HELT: variants seen among roughly 807,000 people sequenced by gnomAD.
The protein encoded by HELT is helt bHLH transcription factor, also known as hairy and enhancer of split-related protein HELT.
A neutral mutation model predicts 19.5 loss-of-function variants in HELT; 9 were observed. The ratio of observed to expected loss-of-function variants is 0.46; its 90% CI spans 0.28 to 0.80. HELT has a LOEUF of 0.80. HELT is among the 30% of genes least tolerant of loss of function. The probability of loss-of-function intolerance (pLI) is 0.12; values close to 1 mark genes in which losing one functional copy is unlikely to be tolerated. For missense variants in HELT, 366 were observed against 326.3 expected, an observed-to-expected ratio of 1.12 and a Z score of -0.94; for synonymous variants, 162 against 148.3, an observed-to-expected ratio of 1.09 and a Z score of -0.67.
chr4:185,019,321 C>T, intron 1 of HELT, 66 bp from the exon 2 acceptor site: 1 of 1,379,718 alleles, frequency 7.2e-7, no homozygotes, highest in Non-Finnish European at 1.0e-6. Context: ...CACCCAGCTG[C>T]TAGAGCCGCG....
In HELT at chr4:185,018,898, C is replaced by A. The variant is rs1324678151; in HGVS notation, c.-31C>A. ...AAAAGTGGACGGGTGCCCCGCGCCA[C>A]CGCCTCTCCCGAGGGCGCGTACTGA... On this transcript the variant is annotated 5_prime_UTR_variant, in exon 1 of 4. Transcript: ENST00000515777. The A allele has an allele frequency of 1.9e-5, 30 of 1,553,850 alleles. No homozygotes were observed. The Admixed American group carries it at 5.5e-4, about 28-fold the overall frequency.
At chr4:185,019,523 G>A (rs772701579) in intron 2 of HELT, 32 bp downstream of exon 2, 1 of 1,576,154 alleles carries the variant, frequency 6.3e-7, no homozygotes. Flanking sequence ...CGGGTGCCAG[G>A]CGTTGGGAGG....
chr4:185,019,707 G>C, intron 2 of HELT, 40 bp from the exon 3 acceptor site: 2 of 1,612,184 alleles, frequency 1.2e-6, no homozygotes, highest in Non-Finnish European at 1.7e-6. Flanking sequence ...CCGACCAGCA[G>C]GCGCTGGGCC....
In HELT at chr4:185,018,656, C is replaced by T. The variant is rs914226813; in HGVS notation, c.-273C>T. On this transcript the variant is annotated 5_prime_UTR_variant, in exon 1 of 4. Transcript: ENST00000515777. ...CGTGGATTAACAAAGCTGATCTGCC[C>T]CCAGCTCGCCCCCCTCGGCTGCTAA... Among the ~76,000 whole-genome samples the T allele has an allele frequency of 6.6e-6, 1 of 151,868 alleles. No individual in the cohort carries two copies. The highest frequency in any genetic ancestry group is 1.9e-4 in the East Asian group (1 of 5,190).
Position 185,018,830 on chromosome 4 carries a change from G to A in HELT, c.-99G>A. ...TATAAGGCAGCCCTCGGAGTTGGGA[G>A]GCTGCAGTCTACCTGGGACACTCGA... is the stretch of plus-strand genomic sequence containing the variant. On this transcript the variant is annotated 5_prime_UTR_variant, in exon 1 of 4. Transcript: ENST00000515777. 1 of 1,278,736 alleles carries A rather than the reference G, an allele frequency of 7.8e-7. No individual in the cohort carries two copies. The highest frequency in any genetic ancestry group is 2.3e-5 in the Admixed American group (1 of 43,916). 79.2% of individuals were successfully genotyped at this position (1,278,736 alleles called of 1,614,324 possible).
intron 1 of HELT, 45 bp from the exon 2 acceptor site, chr4:185,019,342 C>G: frequency 6.6e-7 from 1 of 1,516,578 alleles, no homozygotes; most frequent in South Asian, 1.2e-5. Context: ...CCTTTGACGA[C>G]TTCCCGGGCA....
In HELT at chr4:185,020,706, C is replaced by T. The variant is rs1561325252; in HGVS notation, c.663C>T (p.Asn221=). The part of the protein sequence containing the change: ...PVQGLDRHYL[N]LIGHAHPNAL... Reference sequence around the variant, plus strand: ...AGGGCCTGGACCGGCATTACCTCAACCTGATCGGCCACGCGCACCCCAACG... The same window carrying T: ...AGGGCCTGGACCGGCATTACCTCAATCTGATCGGCCACGCGCACCCCAACG... The change falls in exon 4 of 4, where the codon AAC becomes AAT. Residue 221 remains asparagine, a synonymous_variant. Coordinates refer to ENST00000515777, the MANE Select transcript of HELT (RefSeq NM_001300781.2). 3 of 1,599,196 alleles carry T rather than the reference C, an allele frequency of 1.9e-6. No individual in the cohort carries two copies. Among genetic ancestry groups the T allele is most frequent in the Admixed American group, 1.7e-5 (1 of 58,898 alleles).
rs769369992 is a variant in HELT, at chr4:185,020,660, G to C, written c.617G>C (p.Ser206Thr). 5 of 1,604,454 alleles carry C rather than the reference G, an allele frequency of 3.1e-6. No individual in the cohort carries two copies. The South Asian group carries it at 5.5e-5, about 18-fold the overall frequency. ...CTCGCTAGCCCAGCGCAGCAGCACAGCCCCTTCCTGACACCGGTGCAGGGC... is the reference window on the plus strand; with the variant it reads ...CTCGCTAGCCCAGCGCAGCAGCACACCCCCTTCCTGACACCGGTGCAGGGC... Reference protein sequence around the residue: ...VPLASPAQQHSPFLTPVQGLD... With the variant: ...VPLASPAQQHTPFLTPVQGLD... Residue 206 changes from serine (S) to threonine (T), a missense_variant, in exon 4 of 4, where the codon AGC (serine) becomes ACC (threonine). Physicochemically the swap from Ser to Thr is moderately conservative, Grantham distance 58. Coordinates refer to ENST00000515777, the MANE Select transcript of HELT (RefSeq NM_001300781.2).
rs1734046532 is a variant in HELT at position 185,020,569 on chromosome 4, T to C, written c.526T>C (p.Phe176Leu). The C allele has an allele frequency of 1.3e-6, 2 of 1,598,984 alleles. No individual in the cohort carries two copies. The highest frequency in any genetic ancestry group is 8.5e-7 in the Non-Finnish European group (1 of 1,176,738). The change falls in exon 4 of 4, where the codon TTC becomes CTC. Residue 176 changes from phenylalanine (F) to leucine (L), a missense_variant. By Grantham distance (22) the Phe-to-Leu change is conservative (BLOSUM62 0). Coordinates refer to ENST00000515777, the MANE Select transcript of HELT (RefSeq NM_001300781.2). Reference protein sequence around the residue: ...VFPQGSGAGPFPWPPGAARSP... With the variant: ...VFPQGSGAGPLPWPPGAARSP... ...CCCGCAGGGCTCTGGTGCCGGGCCT[T>C]TCCCCTGGCCGCCTGGCGCGGCCCG...
In HELT at chr4:185,019,383, G is replaced by A. The variant is rs1488974331; in HGVS notation, c.28-4G>A. The A allele has an allele frequency of 1.1e-5, 18 of 1,606,884 alleles. No homozygotes were observed. The highest frequency in any genetic ancestry group is 1.7e-5 in the Admixed American group (1 of 59,436). ...ATCCTAAACATACAACCCTCTCTTC[G>A]CAGAGAACCCCCGTTTCTCATAAAG... is the stretch of plus-strand genomic sequence containing the variant. On this transcript the variant is annotated splice_polypyrimidine_tract_variant and splice_region_variant and intron_variant, in intron 1 of 3. Transcript: ENST00000515777.
At chr4:185,020,145 G>A in intron 3 of HELT, 128 bp from the exon 4 acceptor site, 2 of 1,355,588 alleles carry the variant, frequency 1.5e-6, no homozygotes, top group Non-Finnish European at 2.0e-6. Context: ...GCGCAGAGGA[G>A]AGGGCGGGCC....
chr4:185,020,747 C>A lies in HELT; in HGVS notation c.704C>A (p.Thr235Lys), dbSNP rs146842487. 1.6e-4 allele frequency: 254 copies of A among 1,544,136 alleles called. No homozygotes were observed. Among genetic ancestry groups the A allele is most frequent in the Non-Finnish European group, 2.1e-4 (247 of 1,152,746 alleles). ...CACCCCAACGCCCTTAACCTGCACA[C>A]GCCCCAGCACCCCCCGGTGCTCTGA... ...HAHPNALNLHTPQHPPVL is the reference protein window; with the variant it reads ...HAHPNALNLHKPQHPPVL The change falls in exon 4 of 4, where the codon ACG becomes AAG. Residue 235 changes from threonine (T) to lysine (K), a missense_variant. Thr to Lys is a moderately conservative substitution (Grantham distance 78). Coordinates refer to ENST00000515777, the MANE Select transcript of HELT (RefSeq NM_001300781.2).
At position 185,020,936 on chromosome 4, in the gene HELT, T is replaced by G; in HGVS notation, c.*164T>G. On this transcript the variant is annotated 3_prime_UTR_variant, in exon 4 of 4. Transcript: ENST00000515777. ...GGATCTCCCCCTGGTAATAAACGTT[T>G]TCTGATAAAGACCCAAAGAGAGGGA... 1.2e-6 allele frequency: 1 copy of G among 837,538 alleles called. No individual in the cohort carries two copies. The highest frequency in any genetic ancestry group is 1.7e-6 in the Non-Finnish European group (1 of 593,512). 51.9% of individuals were successfully genotyped at this position (837,538 alleles called of 1,614,324 possible). A position where few individuals can be genotyped will look rare whatever the true frequency, so the allele number is the denominator to read the frequency against.
At chr4:185,019,996 T>C (rs1734018182) in intron 3 of HELT, among the ~76,000 whole-genome samples, 153 bp downstream of exon 3, 1 of 144,378 alleles carries the variant, frequency 6.9e-6, no homozygotes, top group Admixed American at 6.9e-5. Context: ...CGCCTCTCCC[T>C]GCTCGGCGAC....
At chr4:185,020,129 A>T in intron 3 of HELT, 144 bp from the exon 4 acceptor site, 1 of 1,227,134 alleles carries the variant, frequency 8.1e-7, no homozygotes, top group Non-Finnish European at 1.1e-6. Context: ...GCCAGTCTCT[A>T]AGACTGCGCA....
At chr4:185,020,148 G>C (rs2111142368) in intron 3 of HELT, 125 bp from the exon 4 acceptor site, 1 of 1,374,828 alleles carries the variant, frequency 7.3e-7, no homozygotes, top group Non-Finnish European at 1.0e-6. Context: ...CAGAGGAGAG[G>C]GCGGGCCTCA....
Position 185,018,759 on chromosome 4 carries a change from G to T in HELT, c.-170G>T. On this transcript the variant is annotated 5_prime_UTR_variant, in exon 1 of 4. An upstream open reading frame in the 5' UTR gains an earlier in-frame stop. Transcript: ENST00000515777. ...CAAACGCAGCTCCCCTAATCCTATG[G>T]AATAATTCAACTCGTGAATGCATCT... The T allele has an allele frequency of 1.8e-6, 1 of 550,532 alleles. No homozygotes were observed. The highest frequency in any genetic ancestry group is 3.1e-6 in the Non-Finnish European group (1 of 318,810). The allele number at this position is 550,532 out of a possible 1,614,324, so 34.1% of individuals were successfully genotyped here. A position where few individuals can be genotyped will look rare whatever the true frequency, so the allele number is the denominator to read the frequency against.
chr4:185,019,020 G>A lies in HELT; in HGVS notation c.27+65G>A, dbSNP rs144613350. ...GTGGAGGCATCTGACTCACCGACCC[G>A]CCACTTGGGTGGACCGATGGCAGGG... is the stretch of plus-strand genomic sequence containing the variant. On this transcript the variant is annotated intron_variant, in intron 1 of 3. Coordinates refer to ENST00000515777, the MANE Select transcript of HELT (RefSeq NM_001300781.2). 40 of 1,613,988 alleles carry A rather than the reference G, an allele frequency of 2.5e-5. 1 individual carries two copies. In the Middle Eastern group the frequency reaches 4.6e-3, roughly 187 times the overall value.
chr4:185,019,690 A>G, intron 2 of HELT, 57 bp from the exon 3 acceptor site: 1 of 1,611,570 alleles, frequency 6.2e-7, no homozygotes. Flanking sequence ...CTCCAGCGCC[A>G]CAGTGCCCGA....
Sources: allele counts gnomAD v4.1 joint callset (sites outside exome capture counted in the v4.1 genomes callset), GRCh38; gene constraint gnomAD v4.1.1; transcripts MANE v1.5; gene names NCBI Gene and HGNC (gene_info 2026-07-23, HGNC 2026-07-21).